The following ROBO2 variants were observed in gnomAD, a reference collection of about 807,000 sequenced individuals.
ROBO2 encodes roundabout homolog 2.
Under a neutral mutation model 160.8 loss-of-function variants are expected in ROBO2, and 53 were observed. The observed-to-expected ratio is 0.33, with a 90% CI of 0.26 to 0.41. The LOEUF (loss-of-function observed/expected upper bound fraction) is 0.41, where lower values mean the gene tolerates loss of function less well. ROBO2 is among the 10% of genes least tolerant of loss of function. ROBO2 has a pLI of 1.00. For synonymous variants in ROBO2, 664 were observed against 611.7 expected (o/e 1.09, Z -1.26); for missense variants, 1,577 against 1,722.4 (o/e 0.92, Z 1.49).
At chr3:77,503,462 T>A (rs1265443969) in intron 5 of ROBO2, among the ~76,000 whole-genome samples, 1 of 150,766 alleles carries the variant, frequency 6.6e-6, no homozygotes, top group African/African-American at 2.4e-5. Flanking sequence ...AGGCAGAGCT[T>A]GCAGTGAGCC....
chr3:76,808,673 A>G (rs529445134), intron 2 of ROBO2, among the ~76,000 whole-genome samples: 2 of 152,260 alleles, frequency 1.3e-5, no homozygotes, highest in African/African-American at 2.4e-5. Context: ...AAAGGGCACA[A>G]TGGAAAGTGG....
At chr3:76,995,653 T>C (rs1423133438) in intron 2 of ROBO2, among the ~76,000 whole-genome samples, 1 of 152,236 alleles carries the variant, frequency 6.6e-6, no homozygotes, top group Admixed American at 6.5e-5. Flanking sequence ...CTAACTGGTA[T>C]GAGATGGTAT....
At chr3:76,948,767 G>GCGAT (rs1367998461) in intron 2 of ROBO2, among the ~76,000 whole-genome samples, 36 of 142,500 alleles carry the variant, frequency 2.5e-4, no homozygotes, top group Admixed American at 2.0e-3. Flanking sequence ...GTGCAGTGGC[G>GCGAT]CGATCTTGGC....
intron 2 of ROBO2, among the ~76,000 whole-genome samples, chr3:76,289,155 C>T (rs2107696486): frequency 6.6e-6 from 1 of 152,316 alleles, no homozygotes; most frequent in South Asian, 2.1e-4. Flanking sequence ...TCACCAGCAT[C>T]TGTTACTTTT....
chr3:75,945,067 A>G (rs1199559645), intron 2 of ROBO2, among the ~76,000 whole-genome samples: 1 of 152,112 alleles, frequency 6.6e-6, no homozygotes, highest in Non-Finnish European at 1.5e-5. Flanking sequence ...GATAATTCAG[A>G]CTATATATTT....
At chr3:76,429,431 A>T (rs1161011987) in intron 2 of ROBO2, among the ~76,000 whole-genome samples, 1 of 152,190 alleles carries the variant, frequency 6.6e-6, no homozygotes, top group Non-Finnish European at 1.5e-5. Context: ...CTATATAATT[A>T]TTGGTTCAAT....
chr3:77,460,527 A>G (rs749497608), intron 2 of ROBO2, among the ~76,000 whole-genome samples: 1 of 152,140 alleles, frequency 6.6e-6, no homozygotes, highest in Admixed American at 6.5e-5. Context: ...TTAAGTACTG[A>G]CGATTTTTTA....
intron 8 of ROBO2, among the ~76,000 whole-genome samples, chr3:77,553,028 C>T (rs1304745546): frequency 6.6e-6 from 1 of 151,914 alleles, no homozygotes; most frequent in Non-Finnish European, 1.5e-5. Context: ...CTTTGTTGTA[C>T]TTTGCAGATA....
exon 13 of ROBO2, chr3:77,568,359 A>G (rs1220450539): frequency 6.2e-7 from 1 of 1,612,944 alleles, no homozygotes; most frequent in East Asian, 2.2e-5. Context: ...AAGTGCAGAA[A>G]GAGCTAGGAG....
intron 14 of ROBO2, among the ~76,000 whole-genome samples, chr3:77,575,223 G>A (rs930818373): frequency 2.8e-4 from 43 of 151,894 alleles, no homozygotes; most frequent in African/African-American, 8.2e-4. Flanking sequence ...AAGTTCCCTC[G>A]TTCTCCCCAC....
intron 2 of ROBO2, among the ~76,000 whole-genome samples, chr3:76,398,144 C>CT (rs2077578909): frequency 6.6e-6 from 1 of 151,880 alleles, no homozygotes; most frequent in Non-Finnish European, 1.5e-5. Flanking sequence ...ACTATGCAGC[C>CT]ATAAAAAATG....
At chr3:76,440,889 T>G (rs1239023006) in intron 2 of ROBO2, among the ~76,000 whole-genome samples, 44 of 113,908 alleles carry the variant, frequency 3.9e-4, no homozygotes, top group Admixed American at 3.4e-3. Flanking sequence ...AAACTTCATG[T>G]GGCATGTGGC....
intron 2 of ROBO2, among the ~76,000 whole-genome samples, chr3:77,406,528 T>C (rs1482875881): frequency 6.6e-6 from 1 of 152,184 alleles, no homozygotes; most frequent in East Asian, 1.9e-4. Context: ...GCCTTATTAA[T>C]ACTGTATATT....
chr3:76,713,797 T>C (rs1689135793), intron 2 of ROBO2, among the ~76,000 whole-genome samples: 2 of 152,176 alleles, frequency 1.3e-5, no homozygotes, highest in African/African-American at 4.8e-5. Context: ...GTTTAGTAAG[T>C]TCTCAGTCAT....
intron 5 of ROBO2, among the ~76,000 whole-genome samples, chr3:77,507,182 G>A (rs776976726): frequency 3.3e-5 from 5 of 152,092 alleles, no homozygotes; most frequent in African/African-American, 4.8e-5. Flanking sequence ...TTCCTATGAG[G>A]TTGTATGGAA....
chr3:75,938,730 G>A (rs1576219997), intron 2 of ROBO2, among the ~76,000 whole-genome samples: 1 of 152,058 alleles, frequency 6.6e-6, no homozygotes, highest in Non-Finnish European at 1.5e-5. Context: ...AAATGAAATA[G>A]ATATTTTTCA....
intron 1 of ROBO2, among the ~76,000 whole-genome samples, chr3:77,087,969 A>G (rs1252334280): frequency 2.0e-5 from 3 of 152,042 alleles, no homozygotes; most frequent in Admixed American, 2.0e-4. Context: ...TTCTGACTCT[A>G]ACTTACACAA....
chr3:76,687,049 A>G (rs932496052), intron 2 of ROBO2, among the ~76,000 whole-genome samples: 5 of 152,004 alleles, frequency 3.3e-5, no homozygotes, highest in African/African-American at 9.7e-5. Flanking sequence ...AAATTTTCAT[A>G]TATCTATTAT....
intron 2 of ROBO2, among the ~76,000 whole-genome samples, chr3:76,565,342 T>C (rs1172225519): frequency 6.6e-6 from 1 of 152,224 alleles, no homozygotes; most frequent in African/African-American, 2.4e-5. Flanking sequence ...TGAAAATATT[T>C]AACATTACTC....
Sources: allele counts gnomAD v4.1 joint callset (sites outside exome capture counted in the v4.1 genomes callset), GRCh38; gene constraint gnomAD v4.1.1; transcripts MANE v1.5; gene names NCBI Gene and HGNC (gene_info 2026-07-23, HGNC 2026-07-21).